ARHGAP24: variants seen among roughly 807,000 people sequenced by gnomAD.
The protein encoded by ARHGAP24 is rho GTPase-activating protein 24.
In ARHGAP24, 50 loss-of-function variants were observed where a neutral mutation model predicts 76.4. The ratio of observed to expected loss-of-function variants is 0.65; its 90% confidence interval spans 0.52 to 0.83. The LOEUF (loss-of-function observed/expected upper bound fraction) is 0.83. Among genes scored for constraint, ARHGAP24 ranks in the 40% least tolerant of loss-of-function variants. ARHGAP24 has a pLI of 0.00. For missense variants in ARHGAP24, 930 were observed against 914.2 expected, an observed-to-expected ratio of 1.02 and a Z score of -0.22; for synonymous variants, 345 against 323.3, an observed-to-expected ratio of 1.07 and a Z score of -0.72.
chr4:85,924,419 A>G (rs1735903415), intron 4 of ARHGAP24, among the ~76,000 whole-genome samples: 3 of 152,170 alleles, frequency 2.0e-5, no homozygotes, highest in Non-Finnish European at 4.4e-5. Context: ...ATATAAACAG[A>G]AAAAGTATTC....
intron 4 of ARHGAP24, among the ~76,000 whole-genome samples, chr4:85,926,600 T>G (rs1399201779): frequency 6.6e-6 from 1 of 152,198 alleles, no homozygotes; most frequent in Non-Finnish European, 1.5e-5. Context: ...TGATTGAATT[T>G]TAAATAAATC....
intron 2 of ARHGAP24, among the ~76,000 whole-genome samples, chr4:85,628,598 C>A (rs1188286727): frequency 6.6e-6 from 1 of 152,130 alleles, no homozygotes; most frequent in African/African-American, 2.4e-5. Flanking sequence ...TAGTGGGGTA[C>A]TGAAATCCTC....
chr4:85,860,125 C>T (rs1464391405), intron 3 of ARHGAP24, among the ~76,000 whole-genome samples: 1 of 151,958 alleles, frequency 6.6e-6, no homozygotes, highest in Non-Finnish European at 1.5e-5. Flanking sequence ...ATGTGCTTGC[C>T]ACGGGAAGTG....
intron 3 of ARHGAP24, among the ~76,000 whole-genome samples, chr4:85,898,033 GTATATATATATA>G (rs61576453): frequency 3.0e-5 from 4 of 134,676 alleles, no homozygotes; most frequent in African/African-American, 8.0e-5. Flanking sequence ...ACATATATGT[GTATATATATATA>G]TATATATATA....
At chr4:85,592,570 T>C (rs1309385726) in intron 2 of ARHGAP24, among the ~76,000 whole-genome samples, 1 of 152,164 alleles carries the variant, frequency 6.6e-6, no homozygotes, top group Non-Finnish European at 1.5e-5. Context: ...TCAAATACTA[T>C]GCCTTATTCA....
At chr4:85,732,395 C>G (rs1050347122) in intron 3 of ARHGAP24, among the ~76,000 whole-genome samples, 1 of 152,206 alleles carries the variant, frequency 6.6e-6, no homozygotes. Flanking sequence ...GAGAGATAAG[C>G]TTGTAGCCAG....
In ARHGAP24 at chr4:85,994,567, T is replaced by A; in HGVS notation, c.929-16T>A. ...ACTGTCTCACTCATGCTACTTTATG[T>A]TCTATGCAATTCTAGGCACTGTGGT... On this transcript the variant is annotated splice_polypyrimidine_tract_variant and intron_variant, in intron 8 of 9. Coordinates refer to ENST00000395184, the MANE Select transcript of ARHGAP24 (RefSeq NM_001025616.3). The A allele has an allele frequency of 2.5e-6, 4 of 1,612,058 alleles. No homozygotes were observed. The highest frequency in any genetic ancestry group is 3.4e-6 in the Non-Finnish European group (4 of 1,178,134).
chr4:85,679,561 T>C, intron 2 of ARHGAP24, among the ~76,000 whole-genome samples: 1 of 152,162 alleles, frequency 6.6e-6, no homozygotes, highest in East Asian at 1.9e-4. Flanking sequence ...TGGCCCTCAG[T>C]CCATTAATTT....
chr4:85,694,913 A>G (rs1220210106), intron 2 of ARHGAP24, among the ~76,000 whole-genome samples: 1 of 152,232 alleles, frequency 6.6e-6, no homozygotes, highest in Non-Finnish European at 1.5e-5. Flanking sequence ...CCCACATGCC[A>G]TACCTGAGTT....
chr4:85,570,811 C>A (rs1727110653), intron 2 of ARHGAP24, 90 bp downstream of exon 2: 4 of 1,391,824 alleles, frequency 2.9e-6, no homozygotes, highest in African/African-American at 2.9e-5. Context: ...TGAGACCACC[C>A]AAAGCTCCCT....
chr4:85,683,116 G>GGC (rs1491413479), intron 2 of ARHGAP24, among the ~76,000 whole-genome samples: 3 of 90,844 alleles, frequency 3.3e-5, no homozygotes, highest in Non-Finnish European at 6.2e-5. Context: ...GTGTGGGGGG[G>GGC]TGGGGGGGGG....
chr4:85,949,495 G>A (rs552224382), intron 5 of ARHGAP24, among the ~76,000 whole-genome samples: 112 of 152,296 alleles, frequency 7.4e-4, no homozygotes, highest in African/African-American at 2.6e-3. Context: ...CCTAAGTTGG[G>A]CTAGCTAGAA....
Position 86,002,499 on chromosome 4 carries a change from A to T in ARHGAP24, c.*1777A>T, listed in dbSNP as rs1368580323. 1 of 152,104 alleles carries T rather than the reference A, an allele frequency of 6.6e-6. No individual in the cohort carries two copies. The highest frequency in any genetic ancestry group is 1.5e-5 in the Non-Finnish European group (1 of 68,030). The allele number at this position is 152,104 out of a possible 1,614,324, so 9.4% of individuals were successfully genotyped here. A position where few individuals can be genotyped will look rare whatever the true frequency, so the allele number is the denominator to read the frequency against. ...TTTCCAGTCCTTATCATAGTTGATA[A>T]AAACCTCAGACTCATCCAGAAAGCT... On this transcript the variant is annotated 3_prime_UTR_variant, in exon 10 of 10. Transcript: ENST00000395184.
chr4:85,962,513 A>G (rs1738320057), intron 5 of ARHGAP24, among the ~76,000 whole-genome samples: 1 of 152,014 alleles, frequency 6.6e-6, no homozygotes, highest in South Asian at 2.1e-4. Context: ...TATAGGTGCT[A>G]TTTGTTAAGT....
chr4:85,875,687 TA>T (rs1451358833), intron 3 of ARHGAP24, among the ~76,000 whole-genome samples: 1 of 133,238 alleles, frequency 7.5e-6, no homozygotes, highest in Non-Finnish European at 1.5e-5. Flanking sequence ...ATATAAATAT[TA>T]AAAATAATAT....
intron 2 of ARHGAP24, among the ~76,000 whole-genome samples, chr4:85,578,629 C>T (rs1266602799): frequency 6.6e-6 from 1 of 152,142 alleles, no homozygotes; most frequent in Non-Finnish European, 1.5e-5. Flanking sequence ...GTAAAATATA[C>T]ATCATAAAAT....
intron 1 of ARHGAP24, among the ~76,000 whole-genome samples, chr4:85,478,323 A>C (rs145517645): frequency 2.4e-3 from 362 of 152,360 alleles, no homozygotes; most frequent in African/African-American, 8.2e-3. Flanking sequence ...CTTCATGTGA[A>C]GAGTGGAAGC....
At chr4:85,654,823 T>C (rs545484514) in intron 2 of ARHGAP24, among the ~76,000 whole-genome samples, 1 of 152,134 alleles carries the variant, frequency 6.6e-6, no homozygotes, top group Admixed American at 6.6e-5. Flanking sequence ...TTATATAACA[T>C]GATATAAATG....
At chr4:85,879,693 TTTAA>T (rs1252603337) in intron 3 of ARHGAP24, among the ~76,000 whole-genome samples, 1 of 151,946 alleles carries the variant, frequency 6.6e-6, no homozygotes, top group Non-Finnish European at 1.5e-5. Flanking sequence ...ATTAAATGTA[TTTAA>T]TTAATTATGT....
Sources: allele counts gnomAD v4.1 joint callset (sites outside exome capture counted in the v4.1 genomes callset), GRCh38; gene constraint gnomAD v4.1.1; transcripts MANE v1.5; gene names NCBI Gene and HGNC (gene_info 2026-07-23, HGNC 2026-07-21).